Variants in PTPRO observed in about 807,000 individuals in gnomAD.
PTPRO encodes protein tyrosine phosphatase receptor type O.
A neutral mutation model predicts 145.2 loss-of-function variants in PTPRO; 62 were observed. That is an observed-to-expected ratio of 0.43 (90% CI 0.35 to 0.53). The LOEUF (loss-of-function observed/expected upper bound fraction) is 0.53, where lower values mean the gene tolerates loss of function less well. PTPRO is among the 20% of genes least tolerant of loss of function. The probability of loss-of-function intolerance (pLI) is 0.01; values close to 1 mark genes in which losing one functional copy is unlikely to be tolerated. For synonymous variants in PTPRO, 565 were observed against 514.7 expected (o/e 1.10, Z -1.32); for missense variants, 1,345 against 1,482.7 (o/e 0.91, Z 1.53).
chr12:15,490,760 T>C (rs557012280), intron 2 of PTPRO, among the ~76,000 whole-genome samples: 1 of 152,196 alleles, frequency 6.6e-6, no homozygotes, highest in East Asian at 1.9e-4. Flanking sequence ...TGGCATTAAA[T>C]AGAAAGTTAC....
chr12:15,346,947 T>C (rs939464773), intron 1 of PTPRO, among the ~76,000 whole-genome samples: 10 of 152,288 alleles, frequency 6.6e-5, no homozygotes, highest in East Asian at 3.9e-4. Flanking sequence ...TCTTTCTGAA[T>C]TTTTCTCTGT....
At chr12:15,388,142 AT>A (rs1939081783) in intron 1 of PTPRO, among the ~76,000 whole-genome samples, 1 of 152,116 alleles carries the variant, frequency 6.6e-6, no homozygotes, top group East Asian at 1.9e-4. Context: ...AGCACAAAAT[AT>A]TTTTTAACCA....
At chr12:15,594,047 GTA>G (rs1944606723) in intron 25 of PTPRO, among the ~76,000 whole-genome samples, 1 of 152,002 alleles carries the variant, frequency 6.6e-6, no homozygotes, top group Non-Finnish European at 1.5e-5. Context: ...TTGTCTATTT[GTA>G]TATGTTACTG....
rs1944504181 is a variant in PTPRO, at chr12:15,589,598, C to CA, written c.3546+9dup. 3.7e-6 allele frequency: 6 copies of CA among 1,613,832 alleles called. No individual in the cohort carries two copies. Among genetic ancestry groups the CA allele is most frequent in the Non-Finnish European group, 4.2e-6 (5 of 1,179,856 alleles). The stretch of plus-strand genomic sequence containing the variant: ...TCTATGGTACAGACAGAGGTAGGAA[C>CA]ATAATCTATATGTATTTTTAAATTT... On this transcript the variant is annotated intron_variant, in intron 25 of 26. Transcript: ENST00000281171.
intron 1 of PTPRO, among the ~76,000 whole-genome samples, chr12:15,401,906 C>T (rs1237119690): frequency 1.3e-5 from 2 of 152,136 alleles, no homozygotes; most frequent in Non-Finnish European, 2.9e-5. Context: ...TGAATCCTAA[C>T]TATAGGTCAT....
At chr12:15,374,476 C>A (rs956584380) in intron 1 of PTPRO, among the ~76,000 whole-genome samples, 2 of 152,226 alleles carry the variant, frequency 1.3e-5, no homozygotes, top group South Asian at 4.1e-4. Context: ...ACCTTAAACC[C>A]TTGCCCCTCT....
intron 19 of PTPRO, among the ~76,000 whole-genome samples, chr12:15,573,621 T>G (rs964400630): frequency 6.6e-6 from 1 of 152,218 alleles, no homozygotes; most frequent in Non-Finnish European, 1.5e-5. Context: ...ACTTACTCTC[T>G]AGGGCTCTGT....
intron 1 of PTPRO, among the ~76,000 whole-genome samples, chr12:15,458,499 A>G (rs957736794): frequency 5.3e-5 from 8 of 151,924 alleles, no homozygotes; most frequent in African/African-American, 1.9e-4. Context: ...GGTGCCCTAT[A>G]AGTCCCTTAA....
At chr12:15,507,450 T>TAAATAAAG (rs141407524) in intron 6 of PTPRO, among the ~76,000 whole-genome samples, 1 of 148,182 alleles carries the variant, frequency 6.7e-6, no homozygotes, top group African/African-American at 2.5e-5. Flanking sequence ...AATAAATAAA[T>TAAATAAAG]AAGGAATGAA....
At chr12:15,407,499 G>A (rs76075554) in intron 1 of PTPRO, among the ~76,000 whole-genome samples, 3,722 of 152,266 alleles carry the variant, frequency 0.024, 138 homozygotes, top group East Asian at 0.19. Flanking sequence ...AGAAAAATCA[G>A]AAGATGTATT....
In PTPRO at chr12:15,375,664, G is replaced by A. The variant is rs951455139; in HGVS notation, c.75+52863G>A. Among the ~76,000 whole-genome samples, 4 of 150,628 alleles carry A rather than the reference G, an allele frequency of 2.7e-5. No homozygotes were observed. In the South Asian group the frequency reaches 8.4e-4, roughly 31 times the overall value. On this transcript the variant is annotated intron_variant, in intron 1 of 26. Transcript: ENST00000281171. ...CCAGCTACTTGGGAAGCTGAGGTAG[G>A]AGAATCACTTGAACCTGGGAGGCAG...
intron 2 of PTPRO, among the ~76,000 whole-genome samples, chr12:15,493,258 A>C (rs936634530): frequency 6.6e-6 from 1 of 152,234 alleles, no homozygotes; most frequent in South Asian, 2.1e-4. Flanking sequence ...TCAAGAATAA[A>C]CCACATTAAG....
At chr12:15,363,203 AG>A (rs1938261196) in intron 1 of PTPRO, among the ~76,000 whole-genome samples, 1 of 152,192 alleles carries the variant, frequency 6.6e-6, no homozygotes, top group South Asian at 2.1e-4. Flanking sequence ...TATGGAATGA[AG>A]GTAAATATTT....
At chr12:15,518,730 AGT>A in intron 9 of PTPRO, among the ~76,000 whole-genome samples, 1 of 152,334 alleles carries the variant, frequency 6.6e-6, no homozygotes, top group East Asian at 1.9e-4. Context: ...AAATGCTGCC[AGT>A]GTCTTTGCTA....
chr12:15,434,738 G>T (rs1028455662), intron 1 of PTPRO, among the ~76,000 whole-genome samples: 1 of 152,128 alleles, frequency 6.6e-6, no homozygotes, highest in East Asian at 1.9e-4. Context: ...TCTGTGAAGT[G>T]CTTTGAAATT....
chr12:15,502,097 T>A (rs375020861), intron 5 of PTPRO, 34 bp downstream of exon 5: 7 of 1,552,804 alleles, frequency 4.5e-6, no homozygotes, highest in East Asian at 4.5e-5. Context: ...AAATAAGAAC[T>A]GATACAAAGG....
intron 3 of PTPRO, 70 bp from the exon 4 acceptor site, chr12:15,499,372 T>C (rs1942171434): frequency 6.8e-7 from 1 of 1,465,246 alleles, no homozygotes; most frequent in Non-Finnish European, 9.6e-7. Context: ...CCATAATTGT[T>C]TCAAACTTTC....
intron 1 of PTPRO, among the ~76,000 whole-genome samples, chr12:15,339,059 T>C (rs1410083880): frequency 6.6e-6 from 1 of 152,142 alleles, no homozygotes; most frequent in Non-Finnish European, 1.5e-5. Flanking sequence ...ACGTATTAGT[T>C]TATAAATGAA....
At chr12:15,468,012 C>T (rs1373654923) in intron 1 of PTPRO, among the ~76,000 whole-genome samples, 1 of 152,196 alleles carries the variant, frequency 6.6e-6, no homozygotes, top group African/African-American at 2.4e-5. Flanking sequence ...TTCTTCATCC[C>T]AGCATCATAT....
Sources: allele counts gnomAD v4.1 joint callset (sites outside exome capture counted in the v4.1 genomes callset), GRCh38; gene constraint gnomAD v4.1.1; transcripts MANE v1.5; gene names NCBI Gene and HGNC (gene_info 2026-07-23, HGNC 2026-07-21).